SGCD: variants seen among roughly 807,000 people sequenced by gnomAD.
SGCD encodes the protein sarcoglycan delta, also known as delta-sarcoglycan.
Under a neutral mutation model 36.6 loss-of-function variants are expected in SGCD, and 18 were observed. The ratio of observed to expected loss-of-function variants is 0.49; its 90% CI spans 0.34 to 0.73. The LOEUF is 0.73. SGCD is among the 30% of genes least tolerant of loss of function. SGCD has a pLI of 0.01. For missense variants in SGCD, 387 were observed against 346.7 expected (o/e 1.12, Z -0.92); for synonymous variants, 133 against 130.6 (o/e 1.02, Z -0.12).
chr5:156,016,513 C>A (rs944555837), intron 1 of SGCD, among the ~76,000 whole-genome samples: 1 of 152,058 alleles, frequency 6.6e-6, no homozygotes, highest in African/African-American at 2.4e-5. Flanking sequence ...AACCTGTAGC[C>A]CTGCTCCACC....
intron 3 of SGCD, among the ~76,000 whole-genome samples, chr5:156,133,054 C>T (rs974452518): frequency 2.6e-5 from 4 of 152,110 alleles, no homozygotes; most frequent in Non-Finnish European, 5.9e-5. Flanking sequence ...CACTTCATAT[C>T]GATGTGACAC....
intron 1 of SGCD, among the ~76,000 whole-genome samples, chr5:155,967,924 CCTT>C (rs1275617022): frequency 1.3e-5 from 2 of 151,998 alleles, no homozygotes; most frequent in African/African-American, 2.4e-5. Flanking sequence ...CTATGTCTCA[CCTT>C]CTTCCTTCAA....
the SGCD span, among the ~76,000 whole-genome samples, chr5:155,838,505 C>T: frequency 6.6e-6 from 1 of 151,958 alleles, no homozygotes; most frequent in African/African-American, 2.4e-5. Context: ...CTCTGTGTAT[C>T]TTGTAAATTG....
intron 1 of SGCD, among the ~76,000 whole-genome samples, chr5:156,117,232 T>C (rs1269952435): frequency 6.6e-6 from 1 of 152,064 alleles, no homozygotes; most frequent in Non-Finnish European, 1.5e-5. Flanking sequence ...GCAAACACAT[T>C]GTTGCCCATA....
chr5:156,357,848 C>T (rs1015928325), intron 3 of SGCD, among the ~76,000 whole-genome samples: 1 of 152,126 alleles, frequency 6.6e-6, no homozygotes, highest in African/African-American at 2.4e-5. Context: ...CTTCCTAGGT[C>T]TCATGCCTAA....
intron 3 of SGCD, among the ~76,000 whole-genome samples, chr5:156,287,175 C>T (rs1766629191): frequency 6.6e-6 from 1 of 152,112 alleles, no homozygotes; most frequent in Non-Finnish European, 1.5e-5. Context: ...ATTAAAATAG[C>T]AGTTTCCAAA....
chr5:155,838,722 G>A, the SGCD span, among the ~76,000 whole-genome samples: 102 of 147,050 alleles, frequency 6.9e-4, 1 homozygote, highest in South Asian at 4.7e-3. Context: ...TGAATGCAGT[G>A]CAGATATAAA....
chr5:156,624,231 G>A (rs1336644188), intron 6 of SGCD, among the ~76,000 whole-genome samples: 2 of 152,220 alleles, frequency 1.3e-5, no homozygotes, highest in African/African-American at 4.8e-5. Context: ...GGAAGAAGCT[G>A]TTCCCACTTC....
chr5:155,831,726 G>A, the SGCD span, among the ~76,000 whole-genome samples: 4 of 152,188 alleles, frequency 2.6e-5, no homozygotes, highest in Admixed American at 2.0e-4. Context: ...TACTGCAATC[G>A]GGTCTGATCA....
intron 3 of SGCD, among the ~76,000 whole-genome samples, chr5:156,163,831 T>A (rs1362943314): frequency 1.3e-5 from 2 of 151,012 alleles, no homozygotes; most frequent in Non-Finnish European, 2.9e-5. Flanking sequence ...CCATCCTGGC[T>A]AACATGATGA....
the SGCD span, among the ~76,000 whole-genome samples, chr5:155,851,444 G>T: frequency 6.6e-6 from 1 of 152,138 alleles, no homozygotes; most frequent in African/African-American, 2.4e-5. Flanking sequence ...GCTGCCTCGA[G>T]CAACTCATCG....
At chr5:156,215,886 C>A (rs371577308) in intron 3 of SGCD, among the ~76,000 whole-genome samples, 1 of 152,158 alleles carries the variant, frequency 6.6e-6, no homozygotes, top group Non-Finnish European at 1.5e-5. Flanking sequence ...GCTGCACTTG[C>A]ATGGTCATTG....
intron 3 of SGCD, among the ~76,000 whole-genome samples, chr5:156,460,376 A>G (rs1754433549): frequency 6.6e-6 from 1 of 152,206 alleles, no homozygotes; most frequent in Non-Finnish European, 1.5e-5. Context: ...AATCATTATC[A>G]TAATTGTGCA....
chr5:156,220,861 T>A (rs1469133007), intron 3 of SGCD, among the ~76,000 whole-genome samples: 1 of 152,166 alleles, frequency 6.6e-6, no homozygotes, highest in Non-Finnish European at 1.5e-5. Flanking sequence ...ATACTTGTTG[T>A]GCATAGCAAC....
At chr5:156,532,400 TAG>T (rs1436900740) in intron 4 of SGCD, among the ~76,000 whole-genome samples, 3 of 152,234 alleles carry the variant, frequency 2.0e-5, no homozygotes, top group Non-Finnish European at 2.9e-5. Flanking sequence ...ACCATGTGAT[TAG>T]AGTCTTACAT....
At chr5:156,662,888 C>T (rs930871367) in intron 7 of SGCD, among the ~76,000 whole-genome samples, 66 of 149,484 alleles carry the variant, frequency 4.4e-4, no homozygotes, top group Middle Eastern at 3.4e-3. Context: ...GTTTTGGTAG[C>T]GGCCACTGAT....
intron 3 of SGCD, among the ~76,000 whole-genome samples, chr5:156,184,660 T>C (rs570764211): frequency 1.4e-4 from 22 of 152,270 alleles, no homozygotes; most frequent in African/African-American, 4.6e-4. Flanking sequence ...ACATAAAGAA[T>C]ATCAGTGGTT....
chr5:156,342,430 A>G (rs552333750), intron 2 of SGCD, among the ~76,000 whole-genome samples: 1 of 152,352 alleles, frequency 6.6e-6, no homozygotes, highest in Non-Finnish European at 1.5e-5. Context: ...CTCATTCACA[A>G]TTAGTTGATT....
At chr5:156,340,079 A>G (rs4394110) in intron 2 of SGCD, among the ~76,000 whole-genome samples, 15,204 of 152,316 alleles carry the variant, frequency 0.1, 899 homozygotes, top group Middle Eastern at 0.2. Flanking sequence ...CATGGTATAC[A>G]TAACCTACAA....
Sources: gnomAD v4.1 joint callset for allele counts (sites outside exome capture counted in the v4.1 genomes callset) on GRCh38, gnomAD v4.1.1 for gene constraint, MANE v1.5 for transcripts, NCBI Gene and HGNC (gene_info 2026-07-23, HGNC 2026-07-21) for gene names.